SYTL2: variants seen among roughly 807,000 people sequenced by gnomAD.
The protein encoded by SYTL2 is synaptotagmin like 2.
Under a neutral mutation model 198.7 loss-of-function variants are expected in SYTL2, and 165 were observed. The ratio of observed to expected loss-of-function variants is 0.83; its 90% CI spans 0.73 to 0.94. The LOEUF (loss-of-function observed/expected upper bound fraction) is 0.94. Ranked by LOEUF, SYTL2 falls within the 40% of genes least tolerant of loss-of-function variation. The probability of loss-of-function intolerance (pLI) is 0.00; values close to 1 mark genes in which losing one functional copy is unlikely to be tolerated. For synonymous variants in SYTL2, 966 were observed against 917.7 expected (o/e 1.05, Z -0.95); for missense variants, 2,835 against 2,582.8 (o/e 1.10, Z -2.12).
chr11:85,778,314 C>A (rs892547184), intron 1 of SYTL2, among the ~76,000 whole-genome samples: 1 of 152,196 alleles, frequency 6.6e-6, no homozygotes, highest in South Asian at 2.1e-4. Context: ...AATTAGCAAG[C>A]AGTGGGGATG....
intron 16 of SYTL2, among the ~76,000 whole-genome samples, chr11:85,701,775 G>A (rs1045301512): frequency 3.9e-5 from 6 of 152,152 alleles, no homozygotes; most frequent in African/African-American, 1.4e-4. Flanking sequence ...GGACTAGCTT[G>A]GATCACATCA....
At chr11:85,761,431 G>A (rs2092093643) in intron 1 of SYTL2, among the ~76,000 whole-genome samples, 1 of 152,202 alleles carries the variant, frequency 6.6e-6, no homozygotes, top group Non-Finnish European at 1.5e-5. Flanking sequence ...AAGGTGACCA[G>A]TGCTGGTACA....
rs574122078 is a variant in SYTL2 at position 85,770,382 on chromosome 11, C to T, written c.-389-12268G>A. On this transcript the variant is annotated intron_variant, in intron 1 of 19. Transcript: ENST00000359152. ...TTTTCTCTGAACATGGCTTCATTCA[C>T]TCCTGGTTCTCCCTCATTTCTGTCT... Among the ~76,000 whole-genome samples the T allele has an allele frequency of 5.9e-5, 9 of 152,296 alleles. No homozygotes were observed. The East Asian group carries it at 1.4e-3, about 23-fold the overall frequency.
chr11:85,813,531 G>C (rs2093057676), upstream of SYTL2, among the ~76,000 whole-genome samples: 1 of 152,162 alleles, frequency 6.6e-6, no homozygotes, highest in Non-Finnish European at 1.5e-5. Flanking sequence ...GAGAATTCTA[G>C]GTTGACATTG....
At chr11:85,714,776 C>G in intron 11 of SYTL2, 1 of 842,450 alleles carries the variant, frequency 1.2e-6, no homozygotes, top group Non-Finnish European at 1.5e-6. Flanking sequence ...TGGAGCTGCA[C>G]TTGAATCAAA....
rs768205445 is a variant in SYTL2 at position 85,725,450 on chromosome 11, G to T, written c.3908C>A (p.Ala1303Glu). The T allele has an allele frequency of 6.2e-6, 10 of 1,614,056 alleles. 1 individual carries two copies. The South Asian group carries it at 8.8e-5, about 14-fold the overall frequency. ...TGGATCCAATGGATGAGAATCTTCT[G>T]CAGCCATCTGAATCAAATTCTGTGT... ...LSTQNLIQMA[A>E]EDSHPLDPTS... is the part of the protein sequence containing the mutation. Residue 1303 changes from alanine (A) to glutamate (E), a missense_variant, in exon 8 of 20, where the codon GCA (alanine) becomes GAA (glutamate). This residue lies in a region of SYTL2 where 2,645 missense variants were observed against 2,381.7 expected (regional missense o/e 1.11). Transcript: ENST00000359152.
At chr11:85,712,713 C>T (rs934133067) in intron 12 of SYTL2, among the ~76,000 whole-genome samples, 3 of 150,672 alleles carry the variant, frequency 2.0e-5, no homozygotes, top group Non-Finnish European at 4.5e-5. Context: ...CACACACACA[C>T]ACACACACAC....
chr11:85,765,651 A>G (rs913159400), intron 1 of SYTL2, among the ~76,000 whole-genome samples: 1 of 152,142 alleles, frequency 6.6e-6, no homozygotes, highest in African/African-American at 2.4e-5. Context: ...TACTTCATTC[A>G]TCTCCTCCAG....
intron 16 of SYTL2, 49 bp downstream of exon 16, chr11:85,704,809 G>C (rs775188155): frequency 2.6e-6 from 4 of 1,522,888 alleles, no homozygotes; most frequent in Non-Finnish European, 3.6e-6. Context: ...CTATACACTA[G>C]GTACCACATC....
rs533236585 is a variant in SYTL2 at position 85,715,788 on chromosome 11, G to C, written c.5531-1281C>G. Among the ~76,000 whole-genome samples, 7 of 152,282 alleles carry C rather than the reference G, an allele frequency of 4.6e-5. No homozygotes were observed. The South Asian group carries it at 1.5e-3, about 32-fold the overall frequency. On this transcript the variant is annotated intron_variant, in intron 11 of 19. Coordinates refer to ENST00000359152, the MANE Select transcript of SYTL2 (RefSeq NM_206927.4). ...GAGAGTTATACTGGTAGCAGTGTAA[G>C]ATTAGGTCCCACAATATGGTCCAAT...
intron 13 of SYTL2, among the ~76,000 whole-genome samples, chr11:85,710,489 TACTC>T (rs2086061488): frequency 6.6e-6 from 1 of 152,242 alleles, no homozygotes; most frequent in African/African-American, 2.4e-5. Context: ...GCACATCTGA[TACTC>T]AGATAAGTGT....
intron 1 of SYTL2, among the ~76,000 whole-genome samples, chr11:85,808,821 C>A (rs778685793): frequency 1.3e-5 from 2 of 151,850 alleles, no homozygotes; most frequent in African/African-American, 4.8e-5. Flanking sequence ...ACATTATAAT[C>A]TTATCCCCCC....
chr11:85,746,411 C>T (rs146727735), intron 3 of SYTL2, among the ~76,000 whole-genome samples: 1 of 152,304 alleles, frequency 6.6e-6, no homozygotes, highest in Admixed American at 6.5e-5. Context: ...TTTACCTGAA[C>T]ATCTCTGATA....
At chr11:85,853,546 C>A in the SYTL2 span, 2 of 189,230 alleles carry the variant, frequency 1.1e-5, no homozygotes, top group Admixed American at 6.0e-5. Context: ...GGTCCTCTGC[C>A]TAGGAAAACC....
chr11:85,727,626 G>A lies in SYTL2; in HGVS notation c.1732C>T (p.Pro578Ser), dbSNP rs1315037038. The A allele has an allele frequency of 1.0e-5, 16 of 1,535,902 alleles. No individual in the cohort carries two copies. The highest frequency in any genetic ancestry group is 1.4e-5 in the Non-Finnish European group (16 of 1,146,842). ...ACAGGCTTCAATTCAATTTTGCTGG[G>A]TGATAGGGTCTTTGAGCCATTTTCT... ...LRENGSKTLS[P>S]SKIELKPVRS... Residue 578 changes from proline (P) to serine (S), a missense_variant, in exon 8 of 20, where the codon CCC becomes TCC. Transcript: ENST00000359152.
chr11:85,822,935 G>A, the SYTL2 span, among the ~76,000 whole-genome samples: 1 of 152,244 alleles, frequency 6.6e-6, no homozygotes, highest in Non-Finnish European at 1.5e-5. Context: ...CTCCTTGTAG[G>A]CCTCTGAGTG....
At position 85,695,264 on chromosome 11, in the gene SYTL2, G is replaced by A; in HGVS notation, c.6651C>T (p.Asn2217=). ...EEVALWEKMV[N]SPNTWIEATL... The stretch of plus-strand genomic sequence containing the variant: ...TTGCTTCAATCCAAGTATTGGGGGA[G>A]TTTACCATCTTCTCCCAGAGAGCAA... Residue 2217 remains asparagine (N), a synonymous_variant, in exon 20 of 20, where the codon AAC becomes AAT. Coordinates refer to ENST00000359152, the MANE Select transcript of SYTL2 (RefSeq NM_206927.4). 3 of 1,612,780 alleles carry A rather than the reference G, an allele frequency of 1.9e-6. No individual in the cohort carries two copies. Among genetic ancestry groups the A allele is most frequent in the Non-Finnish European group, 2.5e-6 (3 of 1,179,032 alleles).
rs1249805263 is a variant in SYTL2, at chr11:85,736,483, C to A, written c.586+18G>T. On this transcript the variant is annotated intron_variant, in intron 6 of 19. Coordinates refer to ENST00000359152, the MANE Select transcript of SYTL2 (RefSeq NM_206927.4). ...ATAACAAAGATAAAAAAATCAAGTTCATAAAAATAATATTTACCCTCTTTT... is the reference window on the plus strand; with the variant it reads ...ATAACAAAGATAAAAAAATCAAGTTAATAAAAATAATATTTACCCTCTTTT... 1.5e-6 allele frequency: 2 copies of A among 1,334,240 alleles called. No individual in the cohort carries two copies. The highest frequency in any genetic ancestry group is 2.3e-5 in the East Asian group (1 of 42,712). The allele number at this position is 1,334,240 out of a possible 1,614,324, so 82.7% of individuals were successfully genotyped here. A position where few individuals can be genotyped will look rare whatever the true frequency, so the allele number is the denominator to read the frequency against.
In SYTL2 at chr11:85,700,661, A is replaced by G. The variant is rs1591550486; in HGVS notation, c.6190-68T>C. 2.6e-6 allele frequency: 3 copies of G among 1,159,366 alleles called. No homozygotes were observed. The South Asian group carries it at 3.7e-5, about 14-fold the overall frequency. 71.8% of individuals were successfully genotyped at this position (1,159,366 alleles called of 1,614,324 possible). A position where few individuals can be genotyped will look rare whatever the true frequency, so the allele number is the denominator to read the frequency against. On this transcript the variant is annotated intron_variant, in intron 16 of 19. Coordinates refer to ENST00000359152, the MANE Select transcript of SYTL2 (RefSeq NM_206927.4). ...CATCCTGTTTGTTGGTATAGGTCTC[A>G]TTACAGAACCATATCTGTCCCATTT...
Sources: gnomAD v4.1 joint callset for allele counts (sites outside exome capture counted in the v4.1 genomes callset) on GRCh38, gnomAD v4.1.1 for gene constraint, gnomAD v4.1.1 regional missense constraint, MANE v1.5 for transcripts, NCBI Gene and HGNC (gene_info 2026-07-23, HGNC 2026-07-21) for gene names.